The following LRRC7 variants were observed in gnomAD, a reference collection of about 807,000 sequenced individuals.
LRRC7 encodes the protein leucine-rich repeat-containing protein 7.
Under a neutral mutation model 175.7 loss-of-function variants are expected in LRRC7, and 23 were observed. The observed-to-expected ratio is 0.13, with a 90% confidence interval of 0.09 to 0.19. The LOEUF is 0.19. Ranked by LOEUF, LRRC7 falls within the 10% of genes least tolerant of loss-of-function variation. The pLI is 1.00. For missense variants in LRRC7, 1,354 were observed against 1,904.7 expected, an observed-to-expected ratio of 0.71 and a Z score of 5.38; for synonymous variants, 685 against 680.9, an observed-to-expected ratio of 1.01 and a Z score of -0.09.
intron 1 of LRRC7, among the ~76,000 whole-genome samples, chr1:69,603,859 G>A (rs558505693): frequency 3.3e-5 from 5 of 151,992 alleles, no homozygotes; most frequent in Middle Eastern, 3.4e-3. Context: ...AACCACTCCC[G>A]TTTGTGGTTG....
At chr1:69,636,825 G>C (rs539412568) in intron 1 of LRRC7, among the ~76,000 whole-genome samples, 1 of 152,000 alleles carries the variant, frequency 6.6e-6, no homozygotes, top group East Asian at 1.9e-4. Flanking sequence ...GGACAGTCTA[G>C]TGTTAAACCA....
chr1:69,573,214 G>T (rs1473220216), intron 1 of LRRC7, among the ~76,000 whole-genome samples: 2 of 152,248 alleles, frequency 1.3e-5, no homozygotes, highest in South Asian at 2.1e-4. Flanking sequence ...ATGCCACGTG[G>T]AAAGTGATGG....
intron 21 of LRRC7, among the ~76,000 whole-genome samples, chr1:70,043,220 A>G (rs1249403569): frequency 6.6e-6 from 1 of 152,196 alleles, no homozygotes; most frequent in Non-Finnish European, 1.5e-5. Context: ...ATTTGTATAT[A>G]TTAGATAATT....
chr1:69,829,751 C>A (rs139029616), intron 5 of LRRC7, among the ~76,000 whole-genome samples: 1 of 151,750 alleles, frequency 6.6e-6, no homozygotes, highest in Non-Finnish European at 1.5e-5. Context: ...TTGAGAGTTC[C>A]TTACTTAATG....
At chr1:69,764,250 C>G (rs1446738958) in intron 3 of LRRC7, among the ~76,000 whole-genome samples, 2 of 151,384 alleles carry the variant, frequency 1.3e-5, no homozygotes, top group Non-Finnish European at 2.9e-5. Flanking sequence ...AAATTATAGA[C>G]AGAGTAATAG....
chr1:69,900,715 G>A (rs540603737), intron 7 of LRRC7, among the ~76,000 whole-genome samples: 10 of 152,170 alleles, frequency 6.6e-5, no homozygotes, highest in African/African-American at 2.2e-4. Context: ...TGAGCATCAC[G>A]TTGGCACTCA....
intron 2 of LRRC7, among the ~76,000 whole-genome samples, chr1:69,726,844 G>A (rs769621900): frequency 1.4e-4 from 22 of 152,130 alleles, no homozygotes; most frequent in Non-Finnish European, 1.2e-4. Flanking sequence ...AAGAAAGTCT[G>A]AGTTCATAGA....
intron 1 of LRRC7, among the ~76,000 whole-genome samples, chr1:69,646,455 G>A (rs1243769203): frequency 6.6e-6 from 1 of 152,038 alleles, no homozygotes; most frequent in African/African-American, 2.4e-5. Context: ...TATAAAAAGG[G>A]ATATTAGGGA....
chr1:69,751,031 C>T (rs1419560001), intron 2 of LRRC7, among the ~76,000 whole-genome samples: 1 of 152,150 alleles, frequency 6.6e-6, no homozygotes, highest in Non-Finnish European at 1.5e-5. Flanking sequence ...CTGGGAAATA[C>T]TGTTGTTGAA....
intron 2 of LRRC7, among the ~76,000 whole-genome samples, chr1:69,727,307 A>G (rs1477699141): frequency 6.6e-6 from 1 of 152,114 alleles, no homozygotes; most frequent in African/African-American, 2.4e-5. Context: ...TTCCCAGGAG[A>G]GAATGAAGAA....
chr1:69,646,928 C>T (rs1655084875), intron 1 of LRRC7, among the ~76,000 whole-genome samples: 1 of 152,004 alleles, frequency 6.6e-6, no homozygotes, highest in South Asian at 2.1e-4. Context: ...CTTTTAGAGG[C>T]AGCCAGAAGT....
chr1:69,628,756 A>G (rs1176525272), intron 1 of LRRC7, among the ~76,000 whole-genome samples: 1 of 152,192 alleles, frequency 6.6e-6, no homozygotes. Context: ...CAATGTTGGT[A>G]TTGGCAAAGA....
Position 69,568,655 on chromosome 1 carries a change from G to T in LRRC7, c.2+14G>T. On this transcript the variant is annotated intron_variant, in intron 1 of 26. Transcript: ENST00000651989. ...CCCGCCGGCGATGTGAGTAAGGCACGCTCGCTCCGTGGCGGAGGGTGCTGC... is the reference window on the plus strand; with the variant it reads ...CCCGCCGGCGATGTGAGTAAGGCACTCTCGCTCCGTGGCGGAGGGTGCTGC... 7.5e-7 allele frequency: 1 copy of T among 1,341,658 alleles called. No homozygotes were observed. The highest frequency in any genetic ancestry group is 1.2e-5 in the South Asian group (1 of 84,722). 83.1% of individuals were successfully genotyped at this position (1,341,658 alleles called of 1,614,324 possible). A position where few individuals can be genotyped will look rare whatever the true frequency, so the allele number is the denominator to read the frequency against.
At chr1:69,992,884 T>G (rs1323274634) in intron 10 of LRRC7, among the ~76,000 whole-genome samples, 1 of 152,108 alleles carries the variant, frequency 6.6e-6, no homozygotes, top group East Asian at 1.9e-4. Flanking sequence ...GAGAGTACTT[T>G]GCACCCTGAC....
chr1:70,068,033 A>C (rs776743068), intron 23 of LRRC7, among the ~76,000 whole-genome samples: 1 of 152,072 alleles, frequency 6.6e-6, no homozygotes, highest in Non-Finnish European at 1.5e-5. Flanking sequence ...TGAATTTTCT[A>C]TCTAGACAGT....
In LRRC7 at chr1:69,748,875, G is replaced by C. The variant is rs150848915; in HGVS notation, c.101-11316G>C. ...TCTTTTATTCTGGGTCAAGCCTTCA[G>C]ATATTATTCCAGAAACTAATTATTT... On this transcript the variant is annotated intron_variant, in intron 2 of 26. Transcript: ENST00000651989. 1.9e-3 allele frequency among the ~76,000 whole-genome samples: 294 copies of C among 152,182 alleles called. 1 individual carries two copies. Among genetic ancestry groups the C allele is most frequent in the East Asian group, 0.011 (56 of 5,178 alleles).
At chr1:69,707,068 G>A (rs1664126150) in intron 2 of LRRC7, among the ~76,000 whole-genome samples, 1 of 152,036 alleles carries the variant, frequency 6.6e-6, no homozygotes, top group South Asian at 2.1e-4. Context: ...GTGTCTTTAA[G>A]TTGAGCAATA....
chr1:69,962,377 G>A (rs1651184890), intron 8 of LRRC7, among the ~76,000 whole-genome samples: 1 of 152,264 alleles, frequency 6.6e-6, no homozygotes, highest in South Asian at 2.1e-4. Flanking sequence ...TATACACTGT[G>A]GGTGGAAGTG....
chr1:70,122,859 G>A lies in LRRC7; in HGVS notation c.*972G>A, dbSNP rs1467687229. 1.3e-5 allele frequency: 2 copies of A among 152,372 alleles called. No individual in the cohort carries two copies. Among genetic ancestry groups the A allele is most frequent in the South Asian group, 2.1e-4 (1 of 4,834 alleles). The allele number at this position is 152,372 out of a possible 1,614,324, so 9.4% of individuals were successfully genotyped here. A position where few individuals can be genotyped will look rare whatever the true frequency, so the allele number is the denominator to read the frequency against. On this transcript the variant is annotated 3_prime_UTR_variant, in exon 27 of 27. Coordinates refer to ENST00000651989, the MANE Select transcript of LRRC7 (RefSeq NM_001370785.2). ...TGCTGCTTTTTAAATTATTTAAAAC[G>A]AATTTTGGAAATTGATAAAATTTAT... is the stretch of plus-strand genomic sequence containing the variant.
Sources: allele counts gnomAD v4.1 joint callset (sites outside exome capture counted in the v4.1 genomes callset), GRCh38; gene constraint gnomAD v4.1.1; transcripts MANE v1.5; gene names NCBI Gene and HGNC (gene_info 2026-07-23, HGNC 2026-07-21).